TBPL1: variants seen among roughly 807,000 people sequenced by gnomAD.
TBPL1 encodes TATA box-binding protein-like 1.
A neutral mutation model predicts 22.1 loss-of-function variants in TBPL1; 4 were observed. The ratio of observed to expected loss-of-function variants is 0.18; its 90% confidence interval spans 0.09 to 0.41. The LOEUF (loss-of-function observed/expected upper bound fraction) is 0.41. TBPL1 is among the 10% of genes least tolerant of loss of function. The pLI is 1.00. For missense variants in TBPL1, 115 were observed against 222.3 expected (o/e 0.52, Z 3.07); for synonymous variants, 64 against 71.0 (o/e 0.90, Z 0.50).
upstream of TBPL1, chr6:133,953,058 G>A (rs895396249): frequency 2.0e-5 from 3 of 152,210 alleles, no homozygotes; most frequent in Admixed American, 2.0e-4. Context: ...AGGAAGGAAG[G>A]GTGGGGGCGG....
At chr6:133,981,619 TC>T (rs1776414904) in intron 2 of TBPL1, among the ~76,000 whole-genome samples, 2 of 152,230 alleles carry the variant, frequency 1.3e-5, no homozygotes, top group Non-Finnish European at 2.9e-5. Flanking sequence ...TCAAATTTTA[TC>T]TTGATCTTTG....
At chr6:133,965,769 G>T (rs895685400) in intron 1 of TBPL1, among the ~76,000 whole-genome samples, 1 of 152,138 alleles carries the variant, frequency 6.6e-6, no homozygotes, top group Non-Finnish European at 1.5e-5. Context: ...ACTACAGTGA[G>T]TAACTAGAAA....
intron 1 of TBPL1, among the ~76,000 whole-genome samples, chr6:133,965,151 T>G (rs1776097097): frequency 1.3e-5 from 2 of 152,228 alleles, no homozygotes; most frequent in South Asian, 2.1e-4. Flanking sequence ...TTTTAAAAAT[T>G]ATGCTGTTTT....
In TBPL1 at chr6:133,989,913, A is replaced by T. The variant is rs1776597485; in HGVS notation, c.*2873A>T. 1 of 152,182 alleles carries T rather than the reference A, an allele frequency of 6.6e-6. No homozygotes were observed. The highest frequency in any genetic ancestry group is 2.4e-5 in the African/African-American group (1 of 41,454). 9.4% of individuals were successfully genotyped at this position (152,182 alleles called of 1,614,324 possible). ...TTCAAGTTAGGTTGTTCGTGCTTTT[A>T]AGTTTTTTGTGTGTCTTCCATCACT... On this transcript the variant is annotated 3_prime_UTR_variant, in exon 7 of 7. Transcript: ENST00000237264.
intron 1 of TBPL1, among the ~76,000 whole-genome samples, chr6:133,975,840 A>G (rs932730048): frequency 1.3e-5 from 2 of 152,190 alleles, no homozygotes; most frequent in Non-Finnish European, 2.9e-5. Context: ...CATCAGTTGT[A>G]TTGTAATGTT....
Position 133,958,265 on chromosome 6 carries a change from G to A in TBPL1, c.-45+4840G>A, listed in dbSNP as rs574666415. 5.9e-5 allele frequency among the ~76,000 whole-genome samples: 9 copies of A among 152,314 alleles called. No homozygotes were observed. In the Middle Eastern group the frequency reaches 0.014, roughly 230 times the overall value. On this transcript the variant is annotated intron_variant, in intron 1 of 6. Transcript: ENST00000237264. Reference sequence around the variant, plus strand: ...CCAATGGTTTCATTTAACAGAATTAGGCTTTCGTTAGAAGGCACTATTTTT... The same window carrying A: ...CCAATGGTTTCATTTAACAGAATTAAGCTTTCGTTAGAAGGCACTATTTTT...
At chr6:133,968,062 G>A (rs912261416) in intron 1 of TBPL1, among the ~76,000 whole-genome samples, 14 of 147,846 alleles carry the variant, frequency 9.5e-5, no homozygotes, top group Non-Finnish European at 1.8e-4. Flanking sequence ...AGGCTGGAAT[G>A]TGGTGATGCA....
intron 1 of TBPL1, among the ~76,000 whole-genome samples, chr6:133,960,135 C>T (rs1329884750): frequency 6.6e-6 from 1 of 152,142 alleles, no homozygotes; most frequent in Admixed American, 6.5e-5. Context: ...ACCTTAATTG[C>T]TTGTGGGTTG....
intron 1 of TBPL1, among the ~76,000 whole-genome samples, chr6:133,962,954 A>G (rs745470522): frequency 9.9e-5 from 15 of 152,234 alleles, no homozygotes; most frequent in Non-Finnish European, 1.8e-4. Flanking sequence ...GCTTCTTCAG[A>G]ATCCAGGGAT....
intron 6 of TBPL1, chr6:133,985,995 T>C (rs1392486647): frequency 1.3e-5 from 2 of 152,198 alleles, no homozygotes; most frequent in African/African-American, 4.8e-5. Context: ...CTGTATTTAC[T>C]GAGTTACTAG....
intron 1 of TBPL1, among the ~76,000 whole-genome samples, chr6:133,973,266 G>A (rs957220366): frequency 6.6e-6 from 1 of 152,230 alleles, no homozygotes; most frequent in African/African-American, 2.4e-5. Flanking sequence ...TTGCAAATCG[G>A]TCTATTATCA....
At chr6:133,974,607 G>T (rs565181412) in intron 1 of TBPL1, among the ~76,000 whole-genome samples, 17 of 152,350 alleles carry the variant, frequency 1.1e-4, no homozygotes, top group Non-Finnish European at 1.9e-4. Context: ...GATTATAGGC[G>T]TAAGCCACCG....
chr6:133,977,848 A>G (rs1166410746), intron 1 of TBPL1, among the ~76,000 whole-genome samples: 1 of 152,210 alleles, frequency 6.6e-6, no homozygotes, highest in Non-Finnish European at 1.5e-5. Flanking sequence ...AAAATTGGCT[A>G]CTTGAGCTCT....
intron 1 of TBPL1, among the ~76,000 whole-genome samples, chr6:133,963,848 G>A (rs1776068278): frequency 6.6e-6 from 1 of 150,980 alleles, no homozygotes; most frequent in Non-Finnish European, 1.5e-5. Context: ...GGCTAACGTG[G>A]TGAAACGCCG....
intron 1 of TBPL1, among the ~76,000 whole-genome samples, chr6:133,961,086 G>C (rs1776014787): frequency 6.6e-6 from 1 of 152,178 alleles, no homozygotes; most frequent in Non-Finnish European, 1.5e-5. Context: ...TAAGGGAAGA[G>C]TTGGATACTG....
At chr6:133,954,652 G>T (rs1465095328) in intron 1 of TBPL1, among the ~76,000 whole-genome samples, 1 of 152,210 alleles carries the variant, frequency 6.6e-6, no homozygotes, top group Non-Finnish European at 1.5e-5. Context: ...TTTATGTAAA[G>T]TTGAAGATTA....
intron 4 of TBPL1, among the ~76,000 whole-genome samples, chr6:133,983,290 CTG>C (rs1776448570): frequency 6.6e-6 from 1 of 152,276 alleles, no homozygotes; most frequent in Admixed American, 6.5e-5. Context: ...TGTAACGTGA[CTG>C]TCACTGGCAT....
chr6:133,987,078 CT>C lies in TBPL1; in HGVS notation c.*42del. 4 of 1,457,130 alleles carry C rather than the reference CT, an allele frequency of 2.7e-6. No individual in the cohort carries two copies. The highest frequency in any genetic ancestry group is 1.8e-5 in the Admixed American group (1 of 56,388). The allele number at this position is 1,457,130 out of a possible 1,614,324, so 90.3% of individuals were successfully genotyped here. On this transcript the variant is annotated 3_prime_UTR_variant, in exon 7 of 7. Transcript: ENST00000237264. ...TTGGTTAGAATCTCTAACTGAGCAC[CT>C]TTTAAACCTGCTGCACATTGGACTC... is the stretch of plus-strand genomic sequence containing the variant.
chr6:133,958,276 G>A lies in TBPL1; in HGVS notation c.-45+4851G>A, dbSNP rs567662892. Reference sequence around the variant, plus strand: ...ATTTAACAGAATTAGGCTTTCGTTAGAAGGCACTATTTTTTACTTGTATAA... The same window carrying A: ...ATTTAACAGAATTAGGCTTTCGTTAAAAGGCACTATTTTTTACTTGTATAA... On this transcript the variant is annotated intron_variant, in intron 1 of 6. Coordinates refer to ENST00000237264, the MANE Select transcript of TBPL1 (RefSeq NM_004865.4). 2.6e-5 allele frequency among the ~76,000 whole-genome samples: 4 copies of A among 152,318 alleles called. No homozygotes were observed. In the South Asian group the frequency reaches 8.3e-4, roughly 32 times the overall value.
Sources: allele counts gnomAD v4.1 joint callset (sites outside exome capture counted in the v4.1 genomes callset), GRCh38; gene constraint gnomAD v4.1.1; transcripts MANE v1.5; gene names NCBI Gene and HGNC (gene_info 2026-07-23, HGNC 2026-07-21).